Variants in CSE1L observed in about 807,000 individuals in gnomAD.
The protein encoded by CSE1L is chromosome segregation 1 like.
CSE1L carries 24 observed loss-of-function variants against 120.4 expected under a neutral mutation model. That is an observed-to-expected ratio of 0.20 (90% CI 0.14 to 0.28). The LOEUF (loss-of-function observed/expected upper bound fraction) is 0.28. CSE1L is among the 10% of genes least tolerant of loss of function. The pLI, the probability that CSE1L is intolerant of heterozygous loss-of-function variation, is 1.00. For synonymous variants in CSE1L, 402 were observed against 398.3 expected (o/e 1.01, Z -0.11); for missense variants, 830 against 1,145.2 (o/e 0.72, Z 3.97).
At chr20:49,085,451 T>C in intron 16 of CSE1L, 65 bp downstream of exon 16, 3 of 1,102,860 alleles carry the variant, frequency 2.7e-6, no homozygotes, top group South Asian at 1.3e-5. Flanking sequence ...GTGAGCACTC[T>C]GAGTTATACT....
Position 49,066,786 on chromosome 20 carries a change from T to C in CSE1L, c.476+276T>C, listed in dbSNP as rs573254118. Among the ~76,000 whole-genome samples, 7 of 152,050 alleles carry C rather than the reference T, an allele frequency of 4.6e-5. No individual in the cohort carries two copies. In the East Asian group the frequency reaches 9.6e-4, roughly 21 times the overall value. On this transcript the variant is annotated intron_variant, in intron 5 of 24. Transcript: ENST00000262982. ...GCTCACACCTATAATCCTAGCACTT[T>C]AGGAGGGCAAAGTGGGCGGATCACC...
chr20:49,067,487 T>A (rs1171753191), intron 6 of CSE1L, among the ~76,000 whole-genome samples: 1 of 152,216 alleles, frequency 6.6e-6, no homozygotes, highest in Non-Finnish European at 1.5e-5. Context: ...TAGCAACGTT[T>A]TATTTTCTCT....
chr20:49,072,947 T>C (rs1319265258), intron 10 of CSE1L, among the ~76,000 whole-genome samples: 2 of 152,222 alleles, frequency 1.3e-5, no homozygotes, highest in African/African-American at 2.4e-5. Context: ...CTGGAATTTC[T>C]ATTTAGAGAA....
chr20:49,094,356 C>A, intron 23 of CSE1L, 70 bp downstream of exon 23: 1 of 1,441,850 alleles, frequency 6.9e-7, no homozygotes, highest in Non-Finnish European at 9.6e-7. Flanking sequence ...ATTAACAAAG[C>A]TTATTCTCTT....
chr20:49,093,567 T>C (rs2092117252), intron 22 of CSE1L, among the ~76,000 whole-genome samples: 6 of 107,808 alleles, frequency 5.6e-5, no homozygotes, highest in African/African-American at 2.0e-4. Context: ...CCTCTCTCTT[T>C]TTTTTTTTTT....
rs772060489 is a variant in CSE1L at position 49,078,590 on chromosome 20, G to A, written c.1450G>A (p.Gly484Ser). 1.0e-5 allele frequency: 16 copies of A among 1,569,602 alleles called. No homozygotes were observed. The highest frequency in any genetic ancestry group is 4.6e-5 in the East Asian group (2 of 43,388). Residue 484 changes from glycine to serine, a missense_variant, in exon 14 of 25, where the codon GGT (glycine) becomes AGT (serine). By Grantham distance (56) the Gly-to-Ser change is moderately conservative (BLOSUM62 0). Around this residue, in one of 4 missense-constraint regions of CSE1L, gnomAD observed 543 missense variants for 640.2 expected, o/e 0.85. Coordinates refer to ENST00000262982, the MANE Select transcript of CSE1L (RefSeq NM_001316.4). ...TGAATTTCCTGTCCTTAAAGCTGACGGTATCAAATATATTATGATTTTTAG... is the reference window on the plus strand; with the variant it reads ...TGAATTTCCTGTCCTTAAAGCTGACAGTATCAAATATATTATGATTTTTAG... ...VNEFPVLKADGIKYIMIFRNQ... is the reference protein window; with the variant it reads ...VNEFPVLKADSIKYIMIFRNQ...
Position 49,074,826 on chromosome 20 carries a change from A to C in CSE1L, c.1108A>C (p.Ile370Leu). The C allele has an allele frequency of 6.2e-7, 1 of 1,612,834 alleles. No homozygotes were observed. Among genetic ancestry groups the C allele is most frequent in the Non-Finnish European group, 8.5e-7 (1 of 1,179,536 alleles). ...EAFEDNSEEY[I>L]RRDLEGSDID... ...ATTTGAAGATAATTCTGAGGAGTAC[A>C]TAAGGAGAGATTTGGAAGGATCTGG... The change falls in exon 11 of 25, where the codon ATA (isoleucine) becomes CTA (leucine). Residue 370 changes from isoleucine to leucine, a missense_variant. Ile to Leu is a conservative substitution (Grantham distance 5). Coordinates refer to ENST00000262982, the MANE Select transcript of CSE1L (RefSeq NM_001316.4).
chr20:49,049,595 ATAAT>A (rs1342242599), intron 1 of CSE1L, among the ~76,000 whole-genome samples: 4 of 152,200 alleles, frequency 2.6e-5, no homozygotes, highest in Non-Finnish European at 5.9e-5. Flanking sequence ...GTTGCATAAG[ATAAT>A]TAGAGCTTGA....
intron 21 of CSE1L, among the ~76,000 whole-genome samples, chr20:49,091,553 G>A (rs1439005265): frequency 1.3e-5 from 2 of 152,090 alleles, no homozygotes; most frequent in African/African-American, 4.8e-5. Context: ...GGGCAACATG[G>A]TAAGACCCTG....
intron 1 of CSE1L, among the ~76,000 whole-genome samples, chr20:49,053,071 A>G: frequency 6.6e-6 from 1 of 151,810 alleles, no homozygotes; most frequent in African/African-American, 2.4e-5. Context: ...GCTATTCCAG[A>G]GGCTGAGGCA....
Position 49,077,028 on chromosome 20 carries a change from G to A in CSE1L, c.1384G>A (p.Val462Met), listed in dbSNP as rs539487441. The A allele has an allele frequency of 6.8e-6, 11 of 1,607,080 alleles. No homozygotes were observed. In the South Asian group the frequency reaches 1.0e-4, roughly 15 times the overall value. Reference sequence around the variant, plus strand: ...ACTTGTAAACCTAACTGAGTTCTTTGTGAATCACATCCTCCCTGATTTAAA... The same window carrying A: ...ACTTGTAAACCTAACTGAGTTCTTTATGAATCACATCCTCCCTGATTTAAA... ...NELVNLTEFFVNHILPDLKSA... is the reference protein window; with the variant it reads ...NELVNLTEFFMNHILPDLKSA... The change falls in exon 13 of 25, where the codon GTG becomes ATG. Residue 462 changes from valine to methionine, a missense_variant. Around this residue, in one of 4 missense-constraint regions of CSE1L, gnomAD observed 543 missense variants for 640.2 expected, o/e 0.85. Coordinates refer to ENST00000262982, the MANE Select transcript of CSE1L (RefSeq NM_001316.4).
intron 2 of CSE1L, among the ~76,000 whole-genome samples, chr20:49,061,244 C>G (rs2091850412): frequency 7.0e-6 from 1 of 142,102 alleles, no homozygotes; most frequent in African/African-American, 2.7e-5. Flanking sequence ...GCCATCTTGG[C>G]TCACTGCAAG....
chr20:49,058,020 C>T (rs1357858379), intron 1 of CSE1L, among the ~76,000 whole-genome samples: 1 of 152,156 alleles, frequency 6.6e-6, no homozygotes, highest in Non-Finnish European at 1.5e-5. Context: ...GTCCACCCAC[C>T]TCAGCCTCCC....
At chr20:49,074,743 C>T (rs751408076) in intron 10 of CSE1L, 42 bp from the exon 11 acceptor site, 36 of 1,531,304 alleles carry the variant, frequency 2.4e-5, no homozygotes, top group Admixed American at 5.4e-5. Flanking sequence ...AGTACAGTGA[C>T]GTCTTTTGGA....
chr20:49,072,607 G>T lies in CSE1L; in HGVS notation c.976G>T (p.Glu326Ter). Reference sequence around the variant, plus strand: ...AATTCAATTTCTGGCTTCAGTTTGTGAGAGACCTCATTATAAGAATCTATT... The same window carrying T: ...AATTCAATTTCTGGCTTCAGTTTGTTAGAGACCTCATTATAAGAATCTATT... ...NAIQFLASVC[E>*]RPHYKNLFED... Residue 326 changes from glutamate to a stop codon, truncating the protein, a stop_gained, in exon 10 of 25, where the codon GAG becomes TAG. Coordinates refer to ENST00000262982, the MANE Select transcript of CSE1L (RefSeq NM_001316.4). LOFTEE classifies it high-confidence loss of function. The T allele has an allele frequency of 6.2e-7, 1 of 1,613,534 alleles. No individual in the cohort carries two copies. The highest frequency in any genetic ancestry group is 1.7e-5 in the Admixed American group (1 of 59,892).
intron 7 of CSE1L, 92 bp from the exon 8 acceptor site, chr20:49,070,113 A>G (rs2091921492): frequency 1.6e-6 from 1 of 623,766 alleles, no homozygotes; most frequent in Non-Finnish European, 2.8e-6. Flanking sequence ...AAGCCTGTGT[A>G]TAAAATGTTT....
At chr20:49,050,385 ATTTTTTTTTTTTT>A (rs1243770980) in intron 1 of CSE1L, among the ~76,000 whole-genome samples, 5 of 79,034 alleles carry the variant, frequency 6.3e-5, no homozygotes, top group African/African-American at 1.7e-4. Flanking sequence ...AGCCCAGCTA[ATTTTTTTTTTTTT>A]TTTTTTTTTT....
At chr20:49,077,864 C>T (rs889553124) in intron 13 of CSE1L, among the ~76,000 whole-genome samples, 25 of 151,954 alleles carry the variant, frequency 1.6e-4, no homozygotes, top group African/African-American at 5.6e-4. Context: ...ACTAGCCGGG[C>T]GTGGTGGCGT....
chr20:49,076,477 T>C (rs2123719774), intron 12 of CSE1L, among the ~76,000 whole-genome samples: 1 of 150,504 alleles, frequency 6.6e-6, no homozygotes, highest in Admixed American at 6.6e-5. Context: ...TGAGCCACCA[T>C]GCCTAGCCTA....
Sources: allele counts gnomAD v4.1 joint callset (sites outside exome capture counted in the v4.1 genomes callset), GRCh38; gene constraint gnomAD v4.1.1; regional missense constraint gnomAD v4.1.1; transcripts MANE v1.5; gene names NCBI Gene and HGNC (gene_info 2026-07-23, HGNC 2026-07-21).